The following ABCC5 variants were observed in gnomAD, a reference collection of about 807,000 sequenced individuals.
The protein encoded by ABCC5 is ATP binding cassette subfamily C member 5, also known as ATP-binding cassette sub-family C member 5.
ABCC5 carries 61 observed loss-of-function variants against 160.9 expected under a neutral mutation model. The ratio of observed to expected loss-of-function variants is 0.38; its 90% CI spans 0.31 to 0.47. ABCC5 has a LOEUF of 0.47. ABCC5 is among the 20% of genes least tolerant of loss of function. ABCC5 has a pLI of 0.99. For missense variants in ABCC5, 1,308 were observed against 1,813.3 expected (o/e 0.72, Z 5.06); for synonymous variants, 666 against 700.6 (o/e 0.95, Z 0.78).
At chr3:183,974,120 A>G (rs1326798786) in intron 10 of ABCC5, among the ~76,000 whole-genome samples, 1 of 152,208 alleles carries the variant, frequency 6.6e-6, no homozygotes, top group Non-Finnish European at 1.5e-5. Context: ...TCTTAGATAT[A>G]ACATAAACCT....
At chr3:183,976,541 C>T (rs1230184976) in intron 10 of ABCC5, among the ~76,000 whole-genome samples, 1 of 152,172 alleles carries the variant, frequency 6.6e-6, no homozygotes, top group Non-Finnish European at 1.5e-5. Context: ...AGGTGTGAGC[C>T]ACCACACCCA....
In ABCC5 at chr3:183,961,560, T is replaced by C. The variant is rs1381129023; in HGVS notation, c.2330A>G (p.Tyr777Cys). Residue 777 changes from tyrosine (Y) to cysteine (C), a missense_variant, in exon 16 of 30, where the codon TAT becomes TGT. By Grantham distance (194) the Tyr-to-Cys change is radical. This residue lies in a region of ABCC5 where 1,142 missense variants were observed against 1,527.1 expected (regional missense o/e 0.75). Coordinates refer to ENST00000334444, the MANE Select transcript of ABCC5 (RefSeq NM_005688.4). ...CAACAGGTTATTAAAAATGGTAGCA[T>C]AGTCACCATTTAAATTCATCAGTTC... ...HEELMNLNGDYATIFNNLLLG... is the reference protein window; with the variant it reads ...HEELMNLNGDCATIFNNLLLG... The C allele has an allele frequency of 5.0e-6, 8 of 1,614,210 alleles. No individual in the cohort carries two copies. The highest frequency in any genetic ancestry group is 6.8e-6 in the Non-Finnish European group (8 of 1,180,014).
chr3:183,988,012 C>T lies in ABCC5; in HGVS notation c.444-95G>A. On this transcript the variant is annotated intron_variant, in intron 4 of 29. Coordinates refer to ENST00000334444, the MANE Select transcript of ABCC5 (RefSeq NM_005688.4). This position sits in a 1 kb window ranked among gnomAD's most constrained non-coding sequence, Gnocchi z 4.4. ...ACCACTTTTTGTCTCCAGGTTTTGC[C>T]ACCACTCACACAAGTCTCTCCTTTA... 3 of 1,357,518 alleles carry T rather than the reference C, an allele frequency of 2.2e-6. No homozygotes were observed. Among genetic ancestry groups the T allele is most frequent in the Non-Finnish European group, 3.1e-6 (3 of 976,116 alleles). The allele number at this position is 1,357,518 out of a possible 1,614,324, so 84.1% of individuals were successfully genotyped here. A position where few individuals can be genotyped will look rare whatever the true frequency, so the allele number is the denominator to read the frequency against.
rs1344495179 is a variant in ABCC5 at position 183,988,240 on chromosome 3, C to G, written c.444-323G>C. ...GGCCCCCAACCCTTTCTGAAGGTTC[C>G]TGTGGTAAAATGTAAAGTTGTAAAC... On this transcript the variant is annotated intron_variant, in intron 4 of 29. Coordinates refer to ENST00000334444, the MANE Select transcript of ABCC5 (RefSeq NM_005688.4). The surrounding 1 kb of genome is among the most constrained non-coding windows in gnomAD (Gnocchi z 4.4). Among the ~76,000 whole-genome samples the G allele has an allele frequency of 2.6e-5, 4 of 152,142 alleles. No individual in the cohort carries two copies. The highest frequency in any genetic ancestry group is 4.4e-5 in the Non-Finnish European group (3 of 68,030).
At chr3:183,922,198 C>T (rs188585734) in intron 29 of ABCC5, among the ~76,000 whole-genome samples, 24 of 151,912 alleles carry the variant, frequency 1.6e-4, no homozygotes, top group African/African-American at 5.6e-4. Flanking sequence ...ATGGTGAAAC[C>T]CTGTCTCTAG....
chr3:183,955,953 C>A (rs1315781261), intron 17 of ABCC5, among the ~76,000 whole-genome samples: 1 of 143,272 alleles, frequency 7.0e-6, no homozygotes, highest in Admixed American at 7.2e-5. Context: ...CGGTTACAGG[C>A]AGATCCGTGT....
chr3:183,933,355 GCTCA>G (rs947003851), intron 26 of ABCC5, among the ~76,000 whole-genome samples: 69 of 152,180 alleles, frequency 4.5e-4, no homozygotes, highest in African/African-American at 1.6e-3. Flanking sequence ...GCTGGGGACA[GCTCA>G]CTGTCAGCCT....
At chr3:183,940,601 A>G (rs1463203244) in intron 25 of ABCC5, among the ~76,000 whole-genome samples, 4 of 152,022 alleles carry the variant, frequency 2.6e-5, no homozygotes, top group Non-Finnish European at 4.4e-5. Context: ...AAGCTAAGGA[A>G]GGAATGGTGC....
intron 26 of ABCC5, among the ~76,000 whole-genome samples, chr3:183,933,165 C>CAAAAAAAAAAAAAAAAAAAAAAAAA (rs55863712): frequency 1.4e-5 from 1 of 73,726 alleles, no homozygotes; most frequent in Non-Finnish European, 2.7e-5. Context: ...GAGACTGTCT[C>CAAAAAAAAAAAAAAAAAAAAAAAAA]AAAAAAAAAA....
intron 5 of ABCC5, chr3:183,985,202 A>G: frequency 9.1e-7 from 1 of 1,103,504 alleles, no homozygotes; most frequent in South Asian, 1.4e-5. Context: ...AAAAAGTTAC[A>G]AATGTATCAT....
In ABCC5 at chr3:183,982,411, A is replaced by C. The variant is rs1311689836; in HGVS notation, c.999+40T>G. On this transcript the variant is annotated intron_variant, in intron 7 of 29. Coordinates refer to ENST00000334444, the MANE Select transcript of ABCC5 (RefSeq NM_005688.4). The surrounding 1 kb of genome is among the most constrained non-coding windows in gnomAD (Gnocchi z 5.2). ...ACCCAATGGAAGTAACTCATCTCCT[A>C]AGGAGAAGCTGCCAGGATTCAGCTG... is the stretch of plus-strand genomic sequence containing the variant. The C allele has an allele frequency of 6.3e-7, 1 of 1,598,340 alleles. No homozygotes were observed. The highest frequency in any genetic ancestry group is 1.3e-5 in the African/African-American group (1 of 74,496).
chr3:183,928,609 A>C (rs950010318), intron 27 of ABCC5, 138 bp downstream of exon 27: 6 of 699,560 alleles, frequency 8.6e-6, no homozygotes, highest in Non-Finnish European at 1.5e-5. Context: ...TATCTGAAAG[A>C]CTTGGAGAGC....
In ABCC5 at chr3:183,949,982, T is replaced by C. The variant is rs781403637; in HGVS notation, c.3088A>G (p.Ile1030Val). Residue 1030 changes from isoleucine to valine, a missense_variant, in exon 21 of 30, where the codon ATT becomes GTT. By Grantham distance (29) the Ile-to-Val change is conservative. Transcript: ENST00000334444. This position sits in a 1 kb window ranked among gnomAD's most constrained non-coding sequence, Gnocchi z 4.2. ...ACGCTTCCTATTTACCTGGAGACAATGTGCAGGACTGAAAAGAGGATGACA... is the reference window on the plus strand; with the variant it reads ...ACGCTTCCTATTTACCTGGAGACAACGTGCAGGACTGAAAAGAGGATGACA... Reference protein sequence around the residue: ...PLVILFSVLHIVSRVLIRELK... With the variant: ...PLVILFSVLHVVSRVLIRELK... The C allele has an allele frequency of 6.2e-7, 1 of 1,614,016 alleles. No individual in the cohort carries two copies. Among genetic ancestry groups the C allele is most frequent in the Non-Finnish European group, 8.5e-7 (1 of 1,180,020 alleles).
At chr3:183,948,960 T>C (rs1009673090) in intron 22 of ABCC5, among the ~76,000 whole-genome samples, 1 of 152,150 alleles carries the variant, frequency 6.6e-6, no homozygotes, top group African/African-American at 2.4e-5. Context: ...CACCTCAGCC[T>C]CCCAAAGTGC....
intron 27 of ABCC5, 115 bp downstream of exon 27, chr3:183,928,632 C>A (rs867991780): frequency 1.1e-6 from 1 of 898,420 alleles, no homozygotes; most frequent in Non-Finnish European, 1.8e-6. Flanking sequence ...TGCCACGAAG[C>A]CTTTGTCCAC....
intron 2 of ABCC5, among the ~76,000 whole-genome samples, chr3:183,997,947 G>A (rs1211339103): frequency 6.6e-6 from 1 of 151,924 alleles, no homozygotes; most frequent in African/African-American, 2.4e-5. Flanking sequence ...ACCATGTCTG[G>A]CTAATTTTTT....
At chr3:183,992,399 G>C (rs139468280) in intron 2 of ABCC5, among the ~76,000 whole-genome samples, 151 of 152,206 alleles carry the variant, frequency 9.9e-4, no homozygotes, top group African/African-American at 3.3e-3. Flanking sequence ...ATAAAAAGAA[G>C]GCATTAAATG....
intron 5 of ABCC5, chr3:183,986,840 G>A (rs1478765387): frequency 6.6e-6 from 1 of 152,072 alleles, no homozygotes; most frequent in African/African-American, 2.4e-5. Context: ...AAGTATGTTA[G>A]TTGGTCAATT....
chr3:183,965,116 T>G, intron 14 of ABCC5, 69 bp downstream of exon 14: 1 of 1,523,798 alleles, frequency 6.6e-7, no homozygotes, highest in South Asian at 1.2e-5. Context: ...TCAGTTGCAC[T>G]CCCAGGAGCA....
Sources: gnomAD v4.1 joint callset for allele counts (sites outside exome capture counted in the v4.1 genomes callset) on GRCh38, gnomAD v4.1.1 for gene constraint, gnomAD v4.1.1 regional missense constraint, Gnocchi (gnomAD v3.1) non-coding constraint, MANE v1.5 for transcripts, NCBI Gene and HGNC (gene_info 2026-07-23, HGNC 2026-07-21) for gene names.